The following TSHZ3 variants were observed in gnomAD, a reference collection of about 807,000 sequenced individuals.
TSHZ3 encodes the protein teashirt homolog 3.
Under a neutral mutation model 64.5 loss-of-function variants are expected in TSHZ3, and 10 were observed. The ratio of observed to expected loss-of-function variants is 0.16; its 90% CI spans 0.10 to 0.26. TSHZ3 has a LOEUF of 0.26. Ranked by LOEUF, TSHZ3 falls within the 10% of genes least tolerant of loss-of-function variation. TSHZ3 has a pLI of 1.00. For missense variants in TSHZ3, 1,242 were observed against 1,421.7 expected, an observed-to-expected ratio of 0.87 and a Z score of 2.03; for synonymous variants, 608 against 593.1, an observed-to-expected ratio of 1.03 and a Z score of -0.36.
chr19:31,226,965 C>A (rs1026845974), intron 4 of TSHZ3, among the ~76,000 whole-genome samples: 6 of 89,698 alleles, frequency 6.7e-5, no homozygotes, highest in African/African-American at 3.7e-4. Context: ...TCTTCTCTTT[C>A]TTTCTTTCTT....
chr19:31,335,793 C>A lies in TSHZ3; in HGVS notation c.40+13387G>T, dbSNP rs1049340152. Among the ~76,000 whole-genome samples the A allele has an allele frequency of 2.6e-5, 4 of 152,346 alleles. No homozygotes were observed. In the East Asian group the frequency reaches 5.8e-4, roughly 22 times the overall value. ...TCTGGGTCTCTCTCTACATATATTT[C>A]TCTATCCCCAAAAGGCCAGAGCTGT... On this transcript the variant is annotated intron_variant, in intron 1 of 1. Transcript: ENST00000240587.
chr19:31,295,928 G>A (rs73035747), intron 1 of TSHZ3, among the ~76,000 whole-genome samples: 9,264 of 143,782 alleles, frequency 0.064, 390 homozygotes, highest in Non-Finnish European at 0.1. Flanking sequence ...CTTGCCCCTC[G>A]CTTTCCCCCA....
chr19:31,302,767 C>T (rs1329420685), intron 1 of TSHZ3, among the ~76,000 whole-genome samples: 3 of 152,164 alleles, frequency 2.0e-5, no homozygotes, highest in African/African-American at 2.4e-5. Flanking sequence ...TCAAATTGCA[C>T]TTCCATATGG....
chr19:31,278,137 G>C lies in TSHZ3; in HGVS notation c.1656C>G (p.Ala552=). ...PSWGGYPSIH[A]AYQLPNMMKL... ...TCATCATGTTGGGAAGTTGGTAGGC[G>C]GCATGGATGCTGGGATAGCCCCCCC... Residue 552 remains alanine, a synonymous_variant, in exon 2 of 2, where the codon GCC becomes GCG. Coordinates refer to ENST00000240587, the MANE Select transcript of TSHZ3 (RefSeq NM_020856.4). The surrounding 1 kb of genome is among the most constrained non-coding windows in gnomAD (Gnocchi z 4.7). 1 of 1,614,138 alleles carries C rather than the reference G, an allele frequency of 6.2e-7. No individual in the cohort carries two copies. The highest frequency in any genetic ancestry group is 8.5e-7 in the Non-Finnish European group (1 of 1,180,012).
intron 1 of TSHZ3, among the ~76,000 whole-genome samples, chr19:31,302,145 C>T (rs1048896388): frequency 6.6e-6 from 1 of 152,176 alleles, no homozygotes; most frequent in Non-Finnish European, 1.5e-5. Context: ...GGTGCTGAGC[C>T]ATCTGAGACT....
At chr19:31,173,004 C>A (rs889561162) in intron 5 of TSHZ3, among the ~76,000 whole-genome samples, 1 of 152,210 alleles carries the variant, frequency 6.6e-6, no homozygotes, top group African/African-American at 2.4e-5. Flanking sequence ...GTCTCAGAGC[C>A]ACCATAAGGG....
At chr19:31,334,637 C>A (rs1237813116) in intron 1 of TSHZ3, among the ~76,000 whole-genome samples, 1 of 152,254 alleles carries the variant, frequency 6.6e-6, no homozygotes, top group East Asian at 1.9e-4. Flanking sequence ...TTCCAGGTAA[C>A]CTTGTCTCAT....
intron 1 of TSHZ3, among the ~76,000 whole-genome samples, chr19:31,291,019 T>C (rs1305982455): frequency 6.6e-6 from 1 of 152,258 alleles, no homozygotes; most frequent in East Asian, 1.9e-4. Flanking sequence ...AAGAAAAGCA[T>C]GGCATTAGCT....
chr19:31,328,732 A>G (rs1288941273), intron 1 of TSHZ3, among the ~76,000 whole-genome samples: 2 of 152,226 alleles, frequency 1.3e-5, no homozygotes, highest in Non-Finnish European at 2.9e-5. Context: ...GATGGTATAT[A>G]AACTCCAAAC....
At chr19:31,174,013 A>G (rs1406029334) in intron 5 of TSHZ3, among the ~76,000 whole-genome samples, 2 of 152,224 alleles carry the variant, frequency 1.3e-5, no homozygotes, top group Admixed American at 1.3e-4. Flanking sequence ...GACTGCAATG[A>G]GCTGAGATCA....
intron 1 of TSHZ3, among the ~76,000 whole-genome samples, chr19:31,295,880 A>G (rs1158222547): frequency 6.7e-6 from 1 of 149,366 alleles, no homozygotes; most frequent in Non-Finnish European, 1.5e-5. Context: ...CCATCACCCC[A>G]GTAGTGAGCA....
chr19:31,278,095 C>G lies in TSHZ3; in HGVS notation c.1698G>C (p.Ser566=). The part of the protein sequence containing the change: ...LPNMMKLSLG[S]SGKSTPLKPM... The stretch of plus-strand genomic sequence containing the variant: ...GTTTCAGGGGCGTGCTCTTCCCCGA[C>G]GAGCCCAGGGACAACTTCATCATGT... Residue 566 remains serine (S), a synonymous_variant, in exon 2 of 2, where the codon TCG becomes TCC. Coordinates refer to ENST00000240587, the MANE Select transcript of TSHZ3 (RefSeq NM_020856.4). The surrounding 1 kb of genome is among the most constrained non-coding windows in gnomAD (Gnocchi z 4.7). 4 of 1,614,152 alleles carry G rather than the reference C, an allele frequency of 2.5e-6. No homozygotes were observed. Among genetic ancestry groups the G allele is most frequent in the Non-Finnish European group, 2.5e-6 (3 of 1,180,020 alleles).
intron 1 of TSHZ3, among the ~76,000 whole-genome samples, chr19:31,336,011 TTGC>T (rs1242126989): frequency 6.6e-6 from 1 of 152,242 alleles, no homozygotes; most frequent in East Asian, 1.9e-4. Flanking sequence ...CAAAAATGTG[TTGC>T]TTTCTTCCTT....
Position 31,276,457 on chromosome 19 carries a change from T to G in TSHZ3, c.*90A>C. The G allele has an allele frequency of 1.6e-6, 2 of 1,236,040 alleles. No homozygotes were observed. The highest frequency in any genetic ancestry group is 1.1e-6 in the Non-Finnish European group (1 of 882,148). The allele number at this position is 1,236,040 out of a possible 1,614,324, so 76.6% of individuals were successfully genotyped here. A position where few individuals can be genotyped will look rare whatever the true frequency, so the allele number is the denominator to read the frequency against. ...TCTCTGCAGTTAAAATAAGAACATG[T>G]GCCAAGAACAACAAGTCAGAGGGGG... On this transcript the variant is annotated 3_prime_UTR_variant, in exon 2 of 2. Coordinates refer to ENST00000240587, the MANE Select transcript of TSHZ3 (RefSeq NM_020856.4).
chr19:31,312,671 C>T (rs1421647657), intron 1 of TSHZ3, among the ~76,000 whole-genome samples: 4 of 152,140 alleles, frequency 2.6e-5, no homozygotes, highest in Non-Finnish European at 5.9e-5. Flanking sequence ...GGAGGAGTTC[C>T]ACCGGTGGTA....
At chr19:31,233,780 G>T (rs1013441434) in intron 3 of TSHZ3, among the ~76,000 whole-genome samples, 3 of 152,072 alleles carry the variant, frequency 2.0e-5, no homozygotes, top group African/African-American at 7.2e-5. Flanking sequence ...AAGGATTGAG[G>T]TTCATTTTTT....
intron 5 of TSHZ3, among the ~76,000 whole-genome samples, chr19:31,198,238 A>C (rs1233973081): frequency 6.6e-6 from 1 of 152,288 alleles, no homozygotes; most frequent in Non-Finnish European, 1.5e-5. Context: ...GCATTTGATC[A>C]AATCTAACAT....
upstream of TSHZ3, among the ~76,000 whole-genome samples, chr19:31,350,436 G>T (rs1435914577): frequency 1.3e-5 from 2 of 151,254 alleles, no homozygotes; most frequent in African/African-American, 2.4e-5. Context: ...CGGGAGCCGG[G>T]CCGCGCCCCC....
At chr19:31,234,863 C>T (rs1480565838) in intron 3 of TSHZ3, among the ~76,000 whole-genome samples, 2 of 152,106 alleles carry the variant, frequency 1.3e-5, no homozygotes, top group Non-Finnish European at 2.9e-5. Flanking sequence ...CAGGATTGTG[C>T]TAGCCTAATA....
Sources: gnomAD v4.1 joint callset for allele counts (sites outside exome capture counted in the v4.1 genomes callset) on GRCh38, gnomAD v4.1.1 for gene constraint, Gnocchi (gnomAD v3.1) non-coding constraint, MANE v1.5 for transcripts, NCBI Gene and HGNC (gene_info 2026-07-23, HGNC 2026-07-21) for gene names.